FOCAD: variants seen among roughly 807,000 people sequenced by gnomAD.
FOCAD encodes focadhesin.
Under a neutral mutation model 225.6 loss-of-function variants are expected in FOCAD, and 198 were observed. That is an observed-to-expected ratio of 0.88 (90% CI 0.78 to 0.99). The LOEUF is 0.99. Among genes scored for constraint, FOCAD ranks in the 50% least tolerant of loss-of-function variants. FOCAD has a pLI of 0.00. For missense variants in FOCAD, 2,713 were observed against 2,123.6 expected (o/e 1.28, Z -5.46); for synonymous variants, 897 against 755.0 (o/e 1.19, Z -3.08).
chr9:20,919,180 A>T (rs905600275), intron 24 of FOCAD, among the ~76,000 whole-genome samples: 1 of 152,350 alleles, frequency 6.6e-6, no homozygotes, highest in Middle Eastern at 3.4e-3. Flanking sequence ...ACAGACAAAC[A>T]GAGAGCCACA....
chr9:20,818,713 AT>A (rs1362098604), intron 11 of FOCAD, among the ~76,000 whole-genome samples: 7 of 151,922 alleles, frequency 4.6e-5, no homozygotes, highest in African/African-American at 1.7e-4. Flanking sequence ...TCTGAATTCT[AT>A]TTCATTGATT....
Position 20,966,015 on chromosome 9 carries a change from C to T in FOCAD, c.4133-10405C>T, listed in dbSNP as rs1021220416. 8.6e-5 allele frequency among the ~76,000 whole-genome samples: 13 copies of T among 152,026 alleles called. 1 individual carries two copies. Among genetic ancestry groups the T allele is most frequent in the African/African-American group, 3.1e-4 (13 of 41,388 alleles). On this transcript the variant is annotated intron_variant, in intron 35 of 43. Coordinates refer to ENST00000338382, the MANE Select transcript of FOCAD (RefSeq NM_001375567.1). ...ATTTGTGTACAAGTTTTGGGTTGAA[C>T]ACCTTTTTTCAATTCTCTTGGTGTA... is the stretch of plus-strand genomic sequence containing the variant.
intron 11 of FOCAD, among the ~76,000 whole-genome samples, chr9:20,806,591 C>T (rs1822481121): frequency 6.6e-6 from 1 of 152,098 alleles, no homozygotes; most frequent in African/African-American, 2.4e-5. Context: ...TTTAATAATA[C>T]CTTTCCCTCG....
At chr9:20,702,633 G>A (rs931982461) in intron 1 of FOCAD, among the ~76,000 whole-genome samples, 1 of 152,106 alleles carries the variant, frequency 6.6e-6, no homozygotes, top group Admixed American at 6.6e-5. Context: ...GAGAGAATAC[G>A]TATAAAAAGC....
At chr9:20,668,225 T>C (rs963883613) in intron 2 of FOCAD, among the ~76,000 whole-genome samples, 1 of 152,186 alleles carries the variant, frequency 6.6e-6, no homozygotes, top group Non-Finnish European at 1.5e-5. Flanking sequence ...CTGAATACTT[T>C]TAACGTTTAA....
At chr9:20,828,918 G>A (rs545702380) in intron 15 of FOCAD, among the ~76,000 whole-genome samples, 14 of 152,142 alleles carry the variant, frequency 9.2e-5, no homozygotes, top group South Asian at 2.1e-4. Flanking sequence ...TTAGTTTGCC[G>A]AGGATAATGA....
At chr9:20,853,411 T>C (rs1239868760) in intron 15 of FOCAD, among the ~76,000 whole-genome samples, 1 of 151,818 alleles carries the variant, frequency 6.6e-6, no homozygotes, top group East Asian at 1.9e-4. Context: ...AAACCTGTTC[T>C]ATTCAGATAT....
intron 36 of FOCAD, 141 bp downstream of exon 36, chr9:20,976,689 G>A (rs1396033775): frequency 1.1e-6 from 1 of 926,208 alleles, no homozygotes; most frequent in African/African-American, 1.7e-5. Flanking sequence ...TGGAATGGCT[G>A]GGTTACTTTC....
rs150736382 is a variant in FOCAD at position 20,703,210 on chromosome 9, G to A, written c.-32-12112G>A. On this transcript the variant is annotated intron_variant, in intron 1 of 43. Transcript: ENST00000338382. Reference sequence around the variant, plus strand: ...GGTGGTGGGGGGATAGGGAAGGTTCGAGGGAACATGTGAAGGGAGAGAAGA... The same window carrying A: ...GGTGGTGGGGGGATAGGGAAGGTTCAAGGGAACATGTGAAGGGAGAGAAGA... Among the ~76,000 whole-genome samples, 1,028 of 152,198 alleles carry A rather than the reference G, an allele frequency of 6.8e-3. 12 individuals carry two copies. The highest frequency in any genetic ancestry group is 0.021 in the African/African-American group (886 of 41,520).
intron 4 of FOCAD, among the ~76,000 whole-genome samples, chr9:20,727,431 G>A (rs1563919970): frequency 1.3e-5 from 2 of 152,166 alleles, no homozygotes; most frequent in Admixed American, 6.6e-5. Flanking sequence ...AAATGCTTCA[G>A]AAGAAATCAG....
chr9:20,792,800 G>C (rs188022576), intron 11 of FOCAD, among the ~76,000 whole-genome samples: 1 of 152,010 alleles, frequency 6.6e-6, no homozygotes, highest in African/African-American at 2.4e-5. Flanking sequence ...TAGGTTCATG[G>C]GCCATGACTT....
chr9:20,995,349 G>C (rs1841976498), intron 43 of FOCAD, among the ~76,000 whole-genome samples: 1 of 127,080 alleles, frequency 7.9e-6, no homozygotes, highest in Non-Finnish European at 1.6e-5. Context: ...TTAACTGATT[G>C]CAGGGTAACT....
At chr9:20,909,396 C>A (rs977449284) in intron 22 of FOCAD, among the ~76,000 whole-genome samples, 1 of 152,036 alleles carries the variant, frequency 6.6e-6, no homozygotes, top group Admixed American at 6.6e-5. Flanking sequence ...GCGTTTTCCA[C>A]TGTGACATGT....
chr9:20,842,033 G>T (rs1379249434), intron 15 of FOCAD, among the ~76,000 whole-genome samples: 1 of 151,340 alleles, frequency 6.6e-6, no homozygotes, highest in African/African-American at 2.4e-5. Context: ...CGAGCATATT[G>T]TTTAATTTCT....
chr9:20,769,104 A>G (rs1817908248), intron 7 of FOCAD, among the ~76,000 whole-genome samples: 1 of 152,162 alleles, frequency 6.6e-6, no homozygotes, highest in African/African-American at 2.4e-5. Context: ...TGTTTGCAAG[A>G]GAGCAAAATA....
At chr9:20,754,323 A>G (rs1387809017) in intron 5 of FOCAD, among the ~76,000 whole-genome samples, 1 of 152,206 alleles carries the variant, frequency 6.6e-6, no homozygotes, top group Non-Finnish European at 1.5e-5. Context: ...ATTTTCTATC[A>G]TACCCAAATT....
rs150163194 is a variant in FOCAD, at chr9:20,730,377, T to C, written c.287+9843T>C. Among the ~76,000 whole-genome samples, 348 of 152,280 alleles carry C rather than the reference T, an allele frequency of 2.3e-3. 1 individual carries two copies. Among genetic ancestry groups the C allele is most frequent in the Non-Finnish European group, 2.2e-3 (151 of 68,008 alleles). On this transcript the variant is annotated intron_variant, in intron 4 of 43. Transcript: ENST00000338382. ...TAATTTATATAGGAAAGGCAGGATA[T>C]ATATGTAATTCTTTTATTTACTAAA...
intron 37 of FOCAD, among the ~76,000 whole-genome samples, chr9:20,981,100 G>C: frequency 6.6e-6 from 1 of 152,182 alleles, no homozygotes. Context: ...AAAAGTAACT[G>C]TCATGTACTT....
chr9:20,691,911 C>G (rs1031045405), intron 1 of FOCAD, among the ~76,000 whole-genome samples: 6 of 152,256 alleles, frequency 3.9e-5, no homozygotes, highest in African/African-American at 1.2e-4. Flanking sequence ...GTAGCCGGGA[C>G]TACAGGTGCG....
Sources: gnomAD v4.1 joint callset for allele counts (sites outside exome capture counted in the v4.1 genomes callset) on GRCh38, gnomAD v4.1.1 for gene constraint, MANE v1.5 for transcripts, NCBI Gene and HGNC (gene_info 2026-07-23, HGNC 2026-07-21) for gene names.